Variants in LMNTD2 observed in about 807,000 individuals in gnomAD.
LMNTD2 encodes lamin tail domain-containing protein 2.
Under a neutral mutation model 70.1 loss-of-function variants are expected in LMNTD2, and 83 were observed. That is an observed-to-expected ratio of 1.18 (90% CI 0.99 to 1.42). The LOEUF (loss-of-function observed/expected upper bound fraction) is 1.42. Ranked by LOEUF, LMNTD2 falls within the 40% of genes most tolerant of loss-of-function variation. LMNTD2 has a pLI of 0.00. For synonymous variants in LMNTD2, 534 were observed against 406.1 expected, an observed-to-expected ratio of 1.31 and a Z score of -3.79; for missense variants, 1,153 against 905.9, an observed-to-expected ratio of 1.27 and a Z score of -3.50.
intron 12 of LMNTD2, 102 bp from the exon 13 acceptor site, chr11:555,605 G>A (rs1018571090): frequency 1.6e-6 from 2 of 1,266,030 alleles, no homozygotes; most frequent in East Asian, 3.2e-5. Flanking sequence ...CGTACTGGAG[G>A]ACCAGGGGGC....
At position 557,608 on chromosome 11, in the gene LMNTD2, G is replaced by A. The variant is rs750357468; in HGVS notation, c.588C>T (p.Ser196=). The A allele has an allele frequency of 9.3e-6, 15 of 1,613,174 alleles. No homozygotes were observed. The highest frequency in any genetic ancestry group is 8.0e-5 in the African/African-American group (6 of 74,930). ...GGGCCTGAATGTTTTCAGAGAGGTC[G>A]CTTGGGTCCATCAGAGTCTCTGCCG... ...VVTAETLMDP[S]DLSENIQAPT... The change falls in exon 6 of 14, where the codon AGC becomes AGT. Residue 196 remains serine, a synonymous_variant. Coordinates refer to ENST00000329451, the MANE Select transcript of LMNTD2 (RefSeq NM_173573.3).
Position 556,357 on chromosome 11 carries a change from G to A in LMNTD2, c.1092C>T (p.Ile364=), listed in dbSNP as rs766973719. 18 of 1,536,070 alleles carry A rather than the reference G, an allele frequency of 1.2e-5. No homozygotes were observed. The highest frequency in any genetic ancestry group is 1.2e-5 in the South Asian group (1 of 83,946). ...ACTTCTCCCGGCAGCTCACAGCCAC[G>A]ATCTTCAGGCCTGTCGGGCTGGGAA... is the stretch of plus-strand genomic sequence containing the variant. ...ELLQSPTGLK[I]VAVSCREKFV... is the part of the protein sequence containing the mutation. The change falls in exon 10 of 14, where the codon ATC becomes ATT. Residue 364 remains isoleucine (I), a synonymous_variant. Transcript: ENST00000329451.
Position 557,202 on chromosome 11 carries a change from G to C in LMNTD2, c.714-105C>G, listed in dbSNP as rs1852944859. On this transcript the variant is annotated intron_variant, in intron 7 of 13. Transcript: ENST00000329451. The stretch of plus-strand genomic sequence containing the variant: ...AGCAGGGAGCCCCTCTTGCCTCCCA[G>C]TACCCAGGCTCAGTTCATGGCAGGA... 12 of 1,457,016 alleles carry C rather than the reference G, an allele frequency of 8.2e-6. No individual in the cohort carries two copies. In the East Asian group the frequency reaches 3.0e-4, roughly 36 times the overall value. 90.3% of individuals were successfully genotyped at this position (1,457,016 alleles called of 1,614,324 possible).
chr11:557,676 T>G lies in LMNTD2; in HGVS notation c.556-36A>C, dbSNP rs574684726. ...GGACCGGAAGCCAGTGGGCAGGGGCTGGGTGCTCCCCTACAGCACCTCTCC... is the reference window on the plus strand; with the variant it reads ...GGACCGGAAGCCAGTGGGCAGGGGCGGGGTGCTCCCCTACAGCACCTCTCC... On this transcript the variant is annotated intron_variant, in intron 5 of 13. Coordinates refer to ENST00000329451, the MANE Select transcript of LMNTD2 (RefSeq NM_173573.3). The G allele has an allele frequency of 3.1e-6, 5 of 1,612,872 alleles. No individual in the cohort carries two copies. The East Asian group carries it at 8.9e-5, about 29-fold the overall frequency.
At chr11:559,087 G>C in intron 1 of LMNTD2, 108 bp from the exon 2 acceptor site, 1 of 1,536,946 alleles carries the variant, frequency 6.5e-7, no homozygotes, top group Non-Finnish European at 8.7e-7. Context: ...GGGCCCGTCT[G>C]CCGTGTGCGC....
Position 558,036 on chromosome 11 carries a change from T to C in LMNTD2, c.403A>G (p.Lys135Glu). The change falls in exon 5 of 14, where the codon AAG becomes GAG. Residue 135 changes from lysine (K) to glutamate (E), a missense_variant. By Grantham distance (56) the Lys-to-Glu change is moderately conservative. Transcript: ENST00000329451. The part of the protein sequence containing the change: ...KEQKERAQWE[K>E]EHLEERLLQT... ...AGCAGCCGCTCCTCCAGGTGCTCCTTCTCCTGCTCCGAGAGGGCCTGTGGT... is the reference window on the plus strand; with the variant it reads ...AGCAGCCGCTCCTCCAGGTGCTCCTCCTCCTGCTCCGAGAGGGCCTGTGGT... 1 of 1,579,712 alleles carries C rather than the reference T, an allele frequency of 6.3e-7. No homozygotes were observed. The highest frequency in any genetic ancestry group is 8.6e-7 in the Non-Finnish European group (1 of 1,161,132).
chr11:556,902 G>C lies in LMNTD2; in HGVS notation c.909C>G (p.Pro303=). ...GCTCGGAGGAAGCGCGGTGGTCCCG[G>C]GGCGGGTGCCCTATCACCTGCACGA... ...PSFVQVIGHP[P]RDHRASSEQA... The change falls in exon 8 of 14, where the codon CCC becomes CCG. Residue 303 remains proline (P), a synonymous_variant. Coordinates refer to ENST00000329451, the MANE Select transcript of LMNTD2 (RefSeq NM_173573.3). 6.3e-7 allele frequency: 1 copy of C among 1,595,078 alleles called. No homozygotes were observed.
chr11:559,668 T>G (rs1564820322), intron 1 of LMNTD2: 1 of 1,170,872 alleles, frequency 8.5e-7, no homozygotes, highest in Non-Finnish European at 1.1e-6. Flanking sequence ...CATGGGTGTG[T>G]GGGGGAAGCA....
At chr11:559,583 A>G in intron 1 of LMNTD2, 2 of 1,189,450 alleles carry the variant, frequency 1.7e-6, no homozygotes, top group Non-Finnish European at 2.1e-6. Flanking sequence ...AGGCCCCAGC[A>G]TCCCCTACCT....
Position 555,112 on chromosome 11 carries a change from CT to C in LMNTD2, c.1774-2del, listed in dbSNP as rs777338850. ...TACGGTCCACGCTCTTCCGGCACACCTGGGGGGCGCGGGGGCTGAGAGGCGC... is the reference window on the plus strand; with the variant it reads ...TACGGTCCACGCTCTTCCGGCACACCGGGGGGCGCGGGGGCTGAGAGGCGC... On this transcript the variant is annotated splice_acceptor_variant, in intron 13 of 13. Transcript: ENST00000329451. LOFTEE classifies it high-confidence loss of function. The C allele has an allele frequency of 1.4e-6, 2 of 1,422,680 alleles. No individual in the cohort carries two copies. The highest frequency in any genetic ancestry group is 9.2e-7 in the Non-Finnish European group (1 of 1,082,480). 88.1% of individuals were successfully genotyped at this position (1,422,680 alleles called of 1,614,324 possible). A position where few individuals can be genotyped will look rare whatever the true frequency, so the allele number is the denominator to read the frequency against.
At chr11:560,568 C>A in intron 1 of LMNTD2, 115 bp downstream of exon 1, 1 of 1,288,518 alleles carries the variant, frequency 7.8e-7, no homozygotes, top group Non-Finnish European at 9.9e-7. Flanking sequence ...CCCCGCTGCC[C>A]CTGGACGCAG....
rs770951133 is a variant in LMNTD2, at chr11:555,330, C to T, written c.1748G>A (p.Arg583Gln). ...AEAGLGLEDC[R>Q]LQKEHRVRVC... ...CCGAACTCGGTGTTCTTTCTGGAGCCGACAGTCCTCCAGGCCCAGCCCGGC... is the reference window on the plus strand; with the variant it reads ...CCGAACTCGGTGTTCTTTCTGGAGCTGACAGTCCTCCAGGCCCAGCCCGGC... The change falls in exon 13 of 14, where the codon CGG becomes CAG. Residue 583 changes from arginine to glutamine, a missense_variant. Arg to Gln is a conservative substitution (Grantham distance 43). Transcript: ENST00000329451. 7.0e-7 allele frequency: 1 copy of T among 1,419,914 alleles called. No individual in the cohort carries two copies. The highest frequency in any genetic ancestry group is 9.2e-7 in the Non-Finnish European group (1 of 1,089,116). The allele number at this position is 1,419,914 out of a possible 1,614,324, so 88.0% of individuals were successfully genotyped here.
At position 555,453 on chromosome 11, in the gene LMNTD2, C is replaced by G. The variant is rs1002278256; in HGVS notation, c.1625G>C (p.Arg542Pro). Reference sequence around the variant, plus strand: ...GTTCTCGGGCCGCGCAGGCCCCTCCCGCGCGTGGAAGAGCTTCCCCGAGCT... The same window carrying G: ...GTTCTCGGGCCGCGCAGGCCCCTCCGGCGCGTGGAAGAGCTTCCCCGAGCT... ...PVSSGKLFHA[R>P]EGPARPENPE... Residue 542 changes from arginine (R) to proline (P), a missense_variant, in exon 13 of 14, where the codon CGG (arginine) becomes CCG (proline). By Grantham distance (103) the Arg-to-Pro change is moderately radical. Coordinates refer to ENST00000329451, the MANE Select transcript of LMNTD2 (RefSeq NM_173573.3). 2 of 1,377,112 alleles carry G rather than the reference C, an allele frequency of 1.5e-6. No individual in the cohort carries two copies. The highest frequency in any genetic ancestry group is 1.5e-5 in the African/African-American group (1 of 66,114). The allele number at this position is 1,377,112 out of a possible 1,614,324, so 85.3% of individuals were successfully genotyped here. A position where few individuals can be genotyped will look rare whatever the true frequency, so the allele number is the denominator to read the frequency against.
chr11:555,680 G>C (rs1852806493), intron 12 of LMNTD2, 54 bp downstream of exon 12: 3 of 1,354,944 alleles, frequency 2.2e-6, no homozygotes, highest in Non-Finnish European at 2.8e-6. Context: ...GACCGTTTCT[G>C]CTGGGTCGGG....
At chr11:558,277 C>T (rs1465960796) in intron 3 of LMNTD2, 29 bp from the exon 4 acceptor site, 5 of 1,606,564 alleles carry the variant, frequency 3.1e-6, no homozygotes, top group Admixed American at 1.7e-5. Flanking sequence ...CAGCAGCCCC[C>T]ACCCTGCTCA....
Position 558,751 on chromosome 11 carries a change from G to A in LMNTD2, c.174C>T (p.Ser58=). The change falls in exon 3 of 14, where the codon TCC becomes TCT. Residue 58 remains serine, a synonymous_variant. Transcript: ENST00000329451. The part of the protein sequence containing the change: ...CSADPQLALE[S]LDPRTLRLLW... Reference sequence around the variant, plus strand: ...GCAGCCGCAGTGTGCGAGGGTCCAGGGACTCAAGAGCCAACCTGCAGCGGC... The same window carrying A: ...GCAGCCGCAGTGTGCGAGGGTCCAGAGACTCAAGAGCCAACCTGCAGCGGC... The A allele has an allele frequency of 6.2e-7, 1 of 1,607,154 alleles. No individual in the cohort carries two copies. Among genetic ancestry groups the A allele is most frequent in the Non-Finnish European group, 8.5e-7 (1 of 1,176,500 alleles).
rs1209832256 is a variant in LMNTD2 at position 556,210 on chromosome 11, G to A, written c.1239C>T (p.Ala413=). 7 of 1,479,934 alleles carry A rather than the reference G, an allele frequency of 4.7e-6. No homozygotes were observed. Among genetic ancestry groups the A allele is most frequent in the Non-Finnish European group, 6.2e-6 (7 of 1,121,464 alleles). The allele number at this position is 1,479,934 out of a possible 1,614,324, so 91.7% of individuals were successfully genotyped here. A position where few individuals can be genotyped will look rare whatever the true frequency, so the allele number is the denominator to read the frequency against. ...LYRFPPGTLL[A]PRHHVTVWGE... ...GGCGCACCGTGACGTGGTGCCGCGG[G>A]GCCAGCAGCGTGCCCGGCGGGAAGC... Residue 413 remains alanine (A), a synonymous_variant, in exon 10 of 14, where the codon GCC becomes GCT. Coordinates refer to ENST00000329451, the MANE Select transcript of LMNTD2 (RefSeq NM_173573.3).
rs371081557 is a variant in LMNTD2, at chr11:558,784, C to A, written c.159-18G>T. On this transcript the variant is annotated intron_variant, in intron 2 of 13. Coordinates refer to ENST00000329451, the MANE Select transcript of LMNTD2 (RefSeq NM_173573.3). ...GAGCCAACCTGCAGCGGCAGCAGAC[C>A]CTGCTGCTTACTCAGGCCGGCCCCT... 8 of 1,601,520 alleles carry A rather than the reference C, an allele frequency of 5.0e-6. No individual in the cohort carries two copies. Among genetic ancestry groups the A allele is most frequent in the East Asian group, 2.2e-5 (1 of 44,544 alleles).
chr11:555,079 G>A lies in LMNTD2; in HGVS notation c.1806C>T (p.Pro602=). The A allele has an allele frequency of 1.9e-6, 3 of 1,576,226 alleles. No homozygotes were observed. Among genetic ancestry groups the A allele is most frequent in the South Asian group, 2.3e-5 (2 of 87,534 alleles). Residue 602 remains proline (P), a synonymous_variant, in exon 14 of 14, where the codon CCC becomes CCT. Transcript: ENST00000329451. ...VCRKSVDRSC[P]LVALSVQNTA... ...TGTTCTGCACCGACAGGGCCACCAG[G>A]GGGCAGCTACGGTCCACGCTCTTCC...
Sources: allele counts gnomAD v4.1 joint callset, GRCh38; gene constraint gnomAD v4.1.1; transcripts MANE v1.5; gene names NCBI Gene and HGNC (gene_info 2026-07-23, HGNC 2026-07-21).